PATJ: variants seen among roughly 807,000 people sequenced by gnomAD.
PATJ encodes PATJ crumbs cell polarity complex component, also known as inaD-like protein.
In PATJ, 190 loss-of-function variants were observed where a neutral mutation model predicts 224.9. That is an observed-to-expected ratio of 0.84 (90% confidence interval 0.75 to 0.95). The LOEUF (loss-of-function observed/expected upper bound fraction) is 0.95, where lower values mean the gene tolerates loss of function less well. Ranked by LOEUF, PATJ falls within the 40% of genes least tolerant of loss-of-function variation. The pLI, the probability that PATJ is intolerant of heterozygous loss-of-function variation, is 0.00. For missense variants in PATJ, 2,121 were observed against 2,270.3 expected (o/e 0.93, Z 1.34); for synonymous variants, 769 against 820.3 (o/e 0.94, Z 1.07).
chr1:61,934,734 G>A (rs1434596210), intron 27 of PATJ, among the ~76,000 whole-genome samples: 2 of 152,058 alleles, frequency 1.3e-5, no homozygotes, highest in Non-Finnish European at 2.9e-5. Flanking sequence ...GTTCCATGAG[G>A]CTAATGACCC....
At chr1:62,055,665 A>G (rs1208601609) in intron 31 of PATJ, among the ~76,000 whole-genome samples, 1 of 152,252 alleles carries the variant, frequency 6.6e-6, no homozygotes, top group Non-Finnish European at 1.5e-5. Flanking sequence ...AGGGGTAGCC[A>G]TAGAAGGAAC....
chr1:61,876,552 G>A (rs1269086720), intron 21 of PATJ, among the ~76,000 whole-genome samples: 1 of 152,128 alleles, frequency 6.6e-6, no homozygotes, highest in East Asian at 1.9e-4. Context: ...TGGTGGGGGT[G>A]GGGTATCCTG....
At chr1:61,911,753 T>C (rs1228869054) in intron 25 of PATJ, among the ~76,000 whole-genome samples, 1 of 147,448 alleles carries the variant, frequency 6.8e-6, no homozygotes, top group Non-Finnish European at 1.5e-5. Context: ...TTCTGACTTG[T>C]CAGGGAGGCA....
chr1:62,039,852 A>T (rs1651126399), intron 30 of PATJ, among the ~76,000 whole-genome samples: 1 of 151,990 alleles, frequency 6.6e-6, no homozygotes, highest in Non-Finnish European at 1.5e-5. Context: ...CGAGCTGGTG[A>T]CTGCTGGTGC....
At chr1:61,769,483 T>G in intron 5 of PATJ, 61 bp downstream of exon 5, 1 of 1,515,824 alleles carries the variant, frequency 6.6e-7, no homozygotes, top group South Asian at 1.2e-5. Context: ...AAAACTATTA[T>G]AAAGAGAGTG....
chr1:62,145,827 A>G (rs12038790), intron 41 of PATJ, among the ~76,000 whole-genome samples: 48,170 of 151,198 alleles, frequency 0.32, 8,904 homozygotes, highest in East Asian at 0.65. Context: ...GCATGGTGGC[A>G]TGCGCCTGTA....
At chr1:61,766,902 G>A (rs1427165289) in intron 4 of PATJ, among the ~76,000 whole-genome samples, 1 of 152,050 alleles carries the variant, frequency 6.6e-6, no homozygotes, top group Non-Finnish European at 1.5e-5. Flanking sequence ...AGACTAGCCC[G>A]ACCAACATGG....
chr1:62,106,665 C>T (rs1238700000), intron 33 of PATJ, among the ~76,000 whole-genome samples: 2 of 152,056 alleles, frequency 1.3e-5, no homozygotes, highest in Non-Finnish European at 2.9e-5. Context: ...TTTGGTGGCT[C>T]GTTAACTCCA....
In PATJ at chr1:62,161,136, C is replaced by T. The variant is rs1669801198; in HGVS notation, c.*82C>T. 1.8e-6 allele frequency: 2 copies of T among 1,132,042 alleles called. No individual in the cohort carries two copies. The highest frequency in any genetic ancestry group is 7.2e-5 in the Admixed American group (2 of 27,654). The allele number at this position is 1,132,042 out of a possible 1,614,324, so 70.1% of individuals were successfully genotyped here. ...AAGTTCTGAGTGGGTATGAAAAGCA[C>T]CCTCAACTAAAATGCACCTTCATTC... is the stretch of plus-strand genomic sequence containing the variant. On this transcript the variant is annotated 3_prime_UTR_variant, in exon 44 of 44. Transcript: ENST00000642238.
At position 62,114,236 on chromosome 1, in the gene PATJ, G is replaced by A. The variant is rs143438503; in HGVS notation, c.4645G>A (p.Val1549Ile). The change falls in exon 35 of 44, where the codon GTT (valine) becomes ATT (isoleucine). Residue 1549 changes from valine to isoleucine, a missense_variant. Transcript: ENST00000642238. ...KAGRGLGLSI[V>I]GKRNGSGVFI... ...TGGCCGGGGCCTGGGCCTGAGCATC[G>A]TTGGGAAACGGTAAAGACGTGCTGT... The A allele has an allele frequency of 1.5e-4, 239 of 1,613,842 alleles. No homozygotes were observed. Among genetic ancestry groups the A allele is most frequent in the Middle Eastern group, 4.9e-4 (3 of 6,082 alleles).
chr1:62,025,509 G>T (rs1187625484), intron 29 of PATJ, among the ~76,000 whole-genome samples: 1 of 152,114 alleles, frequency 6.6e-6, no homozygotes, highest in Non-Finnish European at 1.5e-5. Context: ...AGTATCTATG[G>T]TACTATCTTT....
intron 41 of PATJ, among the ~76,000 whole-genome samples, chr1:62,139,231 T>A (rs1460105106): frequency 6.6e-6 from 1 of 151,714 alleles, no homozygotes; most frequent in African/African-American, 2.4e-5. Context: ...TGAAACCCCG[T>A]CTCTACCAAA....
intron 22 of PATJ, among the ~76,000 whole-genome samples, chr1:61,888,988 G>A (rs1044134104): frequency 5.3e-5 from 8 of 152,168 alleles, no homozygotes; most frequent in African/African-American, 1.9e-4. Context: ...GGTTCCAGAA[G>A]AGTTCTTGTA....
intron 29 of PATJ, among the ~76,000 whole-genome samples, chr1:62,023,444 G>A (rs1647205651): frequency 6.6e-6 from 1 of 152,204 alleles, no homozygotes; most frequent in Non-Finnish European, 1.5e-5. Context: ...ACCTACTTGT[G>A]TTAATGCTGT....
chr1:61,889,651 A>T (rs1420607096), intron 22 of PATJ, among the ~76,000 whole-genome samples: 2 of 152,242 alleles, frequency 1.3e-5, no homozygotes, highest in African/African-American at 2.4e-5. Context: ...CTACTGAGTG[A>T]CTTCTGCGCA....
intron 29 of PATJ, among the ~76,000 whole-genome samples, chr1:62,027,628 CTT>C (rs57019359): frequency 0.045 from 4,899 of 109,356 alleles, 87 homozygotes; most frequent in East Asian, 0.24. Context: ...GCCAACATTC[CTT>C]TTTTTTTTTT....
intron 27 of PATJ, among the ~76,000 whole-genome samples, chr1:61,944,720 A>G (rs866593256): frequency 1.2e-4 from 18 of 152,352 alleles, no homozygotes; most frequent in South Asian, 2.1e-4. Context: ...CAGGAAATAC[A>G]GAGAACACCA....
chr1:61,949,990 A>C (rs977119058), intron 27 of PATJ, among the ~76,000 whole-genome samples: 3 of 152,212 alleles, frequency 2.0e-5, no homozygotes, highest in African/African-American at 7.2e-5. Flanking sequence ...ACTTGAGGTC[A>C]AGAGTTCGAA....
chr1:62,043,726 T>TA (rs1553251828), intron 30 of PATJ, among the ~76,000 whole-genome samples: 1 of 151,246 alleles, frequency 6.6e-6, no homozygotes, highest in Non-Finnish European at 1.5e-5. Flanking sequence ...GGTTTTGGTT[T>TA]GGGGGGGGCA....
Sources: allele counts gnomAD v4.1 joint callset (sites outside exome capture counted in the v4.1 genomes callset), GRCh38; gene constraint gnomAD v4.1.1; transcripts MANE v1.5; gene names NCBI Gene and HGNC (gene_info 2026-07-23, HGNC 2026-07-21).